REST: variants seen among roughly 807,000 people sequenced by gnomAD.
REST encodes the protein RE1 silencing transcription factor, also known as RE1-silencing transcription factor.
REST carries 1 observed loss-of-function variant against 30.4 expected under a neutral mutation model. The observed-to-expected ratio is 0.03, with a 90% confidence interval of 0.01 to 0.16. The LOEUF (loss-of-function observed/expected upper bound fraction) is 0.16. Ranked by LOEUF, REST falls within the 10% of genes least tolerant of loss-of-function variation. REST has a pLI of 1.00. For synonymous variants in REST, 504 were observed against 451.1 expected (o/e 1.12, Z -1.49); for missense variants, 1,259 against 1,329.5 (o/e 0.95, Z 0.82).
chr4:56,909,755 A>G (rs1719809564), intron 1 of REST, among the ~76,000 whole-genome samples: 2 of 152,218 alleles, frequency 1.3e-5, no homozygotes, highest in South Asian at 4.1e-4. Context: ...CGTAGCATCT[A>G]GAAAGCCCAA....
chr4:56,908,897 G>T (rs1358585566), intron 1 of REST: 3 of 151,422 alleles, frequency 2.0e-5, no homozygotes, highest in Non-Finnish European at 4.4e-5. Context: ...CGGCTGGCCC[G>T]TGTGGGGGCC....
In REST at chr4:56,934,851, T is replaced by C. The variant is rs1425830457; in HGVS notation, c.*2699T>C. ...CTAGCATATATTATAAGCCTTAATC[T>C]TAGGTAGTCTTATGAAAATGAATCT... is the stretch of plus-strand genomic sequence containing the variant. On this transcript the variant is annotated 3_prime_UTR_variant, in exon 4 of 4. Transcript: ENST00000309042. 1.3e-5 allele frequency: 2 copies of C among 152,194 alleles called. No homozygotes were observed. The highest frequency in any genetic ancestry group is 2.9e-5 in the Non-Finnish European group (2 of 68,028). 9.4% of individuals were successfully genotyped at this position (152,194 alleles called of 1,614,324 possible).
chr4:56,920,231 C>A (rs189623948), intron 3 of REST, among the ~76,000 whole-genome samples: 2 of 151,904 alleles, frequency 1.3e-5, no homozygotes, highest in Non-Finnish European at 1.5e-5. Context: ...AGAGTCACAA[C>A]GTGTGGTTGA....
chr4:56,931,556 G>A lies in REST; in HGVS notation c.2698G>A (p.Glu900Lys). 1 of 1,614,232 alleles carries A rather than the reference G, an allele frequency of 6.2e-7. No individual in the cohort carries two copies. The change falls in exon 4 of 4, where the codon GAA becomes AAA. Residue 900 changes from glutamate (E) to lysine (K), a missense_variant. Glu to Lys is a moderately conservative substitution (Grantham distance 56). Transcript: ENST00000309042. The part of the protein sequence containing the change: ...KEAPLQKVGA[E>K]EADESLPGLA... ...AGCCCCTCTTCAGAAAGTAGGAGCAGAAGAGGCAGATGAGAGCCTACCTGG... is the reference window on the plus strand; with the variant it reads ...AGCCCCTCTTCAGAAAGTAGGAGCAAAAGAGGCAGATGAGAGCCTACCTGG...
At position 56,932,321 on chromosome 4, in the gene REST, G is replaced by T; in HGVS notation, c.*169G>T. 1 of 665,724 alleles carries T rather than the reference G, an allele frequency of 1.5e-6. No homozygotes were observed. Among genetic ancestry groups the T allele is most frequent in the Non-Finnish European group, 2.4e-6 (1 of 408,926 alleles). 41.2% of individuals were successfully genotyped at this position (665,724 alleles called of 1,614,324 possible). ...TTTATGTATACCTGTTGATTGTTGT[G>T]TAAATTTTAGTAAATCTAAGAGAGT... On this transcript the variant is annotated 3_prime_UTR_variant, in exon 4 of 4. Coordinates refer to ENST00000309042, the MANE Select transcript of REST (RefSeq NM_005612.5).
At chr4:56,920,687 T>C (rs1013805140) in intron 3 of REST, among the ~76,000 whole-genome samples, 5 of 151,962 alleles carry the variant, frequency 3.3e-5, no homozygotes, top group African/African-American at 7.2e-5. Context: ...GCTTGAACTT[T>C]AGGAGGCAGA....
chr4:56,923,404 T>C (rs1427844082), intron 3 of REST, among the ~76,000 whole-genome samples: 1 of 152,144 alleles, frequency 6.6e-6, no homozygotes, highest in East Asian at 1.9e-4. Context: ...AGTCGCTAGG[T>C]CTACTGGCAC....
intron 2 of REST, among the ~76,000 whole-genome samples, chr4:56,919,394 A>AG (rs1720348548): frequency 6.6e-6 from 1 of 152,086 alleles, no homozygotes; most frequent in Non-Finnish European, 1.5e-5. Context: ...AAACCTAAAA[A>AG]CCGGTGTTAA....
At position 56,935,741 on chromosome 4, in the gene REST, GGTCCAAATTAT is replaced by G. The variant is rs1427205008; in HGVS notation, c.*3592_*3602del. On this transcript the variant is annotated 3_prime_UTR_variant, in exon 4 of 4. Transcript: ENST00000309042. Reference sequence around the variant, plus strand: ...ATCCTAAACCATGTACCAAGTTTTTGGTCCAAATTATGTAGGATAAGTTAAACTTAAATTGC... The same window carrying G: ...ATCCTAAACCATGTACCAAGTTTTTGGTAGGATAAGTTAAACTTAAATTGC... 1.3e-5 allele frequency: 2 copies of G among 152,016 alleles called. No individual in the cohort carries two copies. Among genetic ancestry groups the G allele is most frequent in the Admixed American group, 6.6e-5 (1 of 15,250 alleles). The allele number at this position is 152,016 out of a possible 1,614,324, so 9.4% of individuals were successfully genotyped here.
chr4:56,910,006 G>A (rs1719823649), intron 1 of REST, among the ~76,000 whole-genome samples: 1 of 152,182 alleles, frequency 6.6e-6, no homozygotes, highest in African/African-American at 2.4e-5. Context: ...GTCCATAAAT[G>A]TTTTTTCTTT....
chr4:56,928,850 A>G (rs1720828004), intron 3 of REST, among the ~76,000 whole-genome samples: 1 of 151,302 alleles, frequency 6.6e-6, no homozygotes, highest in African/African-American at 2.4e-5. Context: ...TGGCCTCCCA[A>G]AGTGCTGGGA....
At chr4:56,916,502 A>G (rs1003767374) in intron 2 of REST, among the ~76,000 whole-genome samples, 1 of 151,826 alleles carries the variant, frequency 6.6e-6, no homozygotes, top group Non-Finnish European at 1.5e-5. Context: ...CTAAAAATAC[A>G]ACACTTAGCC....
intron 2 of REST, among the ~76,000 whole-genome samples, chr4:56,917,782 C>A (rs777786826): frequency 6.6e-6 from 1 of 151,954 alleles, no homozygotes; most frequent in Non-Finnish European, 1.5e-5. Context: ...CCGGGTGTGG[C>A]GGCTCATGCC....
At chr4:56,908,813 G>A (rs1719750510) in intron 1 of REST, 1 of 151,858 alleles carries the variant, frequency 6.6e-6, no homozygotes, top group Admixed American at 6.6e-5. Flanking sequence ...GCTGGAGCTG[G>A]CGGGGCTGGG....
chr4:56,910,357 A>C (rs903253237), intron 1 of REST, among the ~76,000 whole-genome samples: 12 of 152,222 alleles, frequency 7.9e-5, no homozygotes, highest in Non-Finnish European at 1.0e-4. Flanking sequence ...AGGAGGCACC[A>C]CATGCCAGTG....
Position 56,911,213 on chromosome 4 carries a change from C to T in REST, c.575C>T (p.Ala192Val). ...AAGAAATTTTTTGTGGAAGAGAGTG[C>T]AGAGAAGCAGGCAAAAGCCAGGGAA... is the stretch of plus-strand genomic sequence containing the variant. Reference protein sequence around the residue: ...SAKKFFVEESAEKQAKARESG... With the variant: ...SAKKFFVEESVEKQAKARESG... The change falls in exon 2 of 4, where the codon GCA becomes GTA. Residue 192 changes from alanine to valine, a missense_variant. Physicochemically the swap from Ala to Val is moderately conservative, Grantham distance 64. Transcript: ENST00000309042. 1 of 1,614,136 alleles carries T rather than the reference C, an allele frequency of 6.2e-7. No homozygotes were observed. The highest frequency in any genetic ancestry group is 1.1e-5 in the South Asian group (1 of 91,080).
Position 56,908,147 on chromosome 4 carries a change from A to G in REST, c.-76A>G. 1 of 251,888 alleles carries G rather than the reference A, an allele frequency of 4.0e-6. No individual in the cohort carries two copies. The highest frequency in any genetic ancestry group is 7.6e-6 in the Non-Finnish European group (1 of 131,350). 15.6% of individuals were successfully genotyped at this position (251,888 alleles called of 1,614,324 possible). A position where few individuals can be genotyped will look rare whatever the true frequency, so the allele number is the denominator to read the frequency against. On this transcript the variant is annotated 5_prime_UTR_variant, in exon 1 of 4. Transcript: ENST00000309042. ...ACCTCTCCCCCGAAACTCCAGCAAC[A>G]AAGAAAAGTAGTCGGAGAAGGAGCG...
chr4:56,908,637 G>GC (rs1423761709), intron 1 of REST, among the ~76,000 whole-genome samples: 1 of 151,988 alleles, frequency 6.6e-6, no homozygotes, highest in Non-Finnish European at 1.5e-5. Flanking sequence ...GGCCCTCCTG[G>GC]CCCCCTCCCC....
chr4:56,909,455 T>C (rs996551753), intron 1 of REST: 1 of 152,150 alleles, frequency 6.6e-6, no homozygotes, highest in African/African-American at 2.4e-5. Context: ...CCATTTGGGG[T>C]GGCAGTTAGG....
Sources: allele counts gnomAD v4.1 joint callset (sites outside exome capture counted in the v4.1 genomes callset), GRCh38; gene constraint gnomAD v4.1.1; transcripts MANE v1.5; gene names NCBI Gene and HGNC (gene_info 2026-07-23, HGNC 2026-07-21).